Variants in FAM124B observed in about 807,000 individuals in gnomAD.
FAM124B encodes family with sequence similarity 124 member B.
In FAM124B, 18 loss-of-function variants were observed where a neutral mutation model predicts 19.7. The ratio of observed to expected loss-of-function variants is 0.92; its 90% CI spans 0.63 to 1.36. The LOEUF (loss-of-function observed/expected upper bound fraction) is 1.36, where lower values mean the gene tolerates loss of function less well. Ranked by LOEUF, FAM124B falls within the 40% of genes most tolerant of loss-of-function variation. The pLI is 0.00. For missense variants in FAM124B, 540 were observed against 553.3 expected (o/e 0.98, Z 0.24); for synonymous variants, 223 against 225.2 (o/e 0.99, Z 0.09).
Position 224,401,062 on chromosome 2 carries a change from T to C in FAM124B, c.707A>G (p.Tyr236Cys), listed in dbSNP as rs1690060986. 6.2e-7 allele frequency: 1 copy of C among 1,607,066 alleles called. No homozygotes were observed. Among genetic ancestry groups the C allele is most frequent in the Non-Finnish European group, 8.5e-7 (1 of 1,175,346 alleles). ...CTGAAGCAGAATCTTGTTGCCATCG[T>C]AGTCCTGAGTCTGCCACCTGGTGCT... ...ISSTRWQTQD[Y>C]DGNKILLQVQ... is the part of the protein sequence containing the mutation. Residue 236 changes from tyrosine to cysteine, a missense_variant, in exon 1 of 2, where the codon TAC becomes TGC. By Grantham distance (194) the Tyr-to-Cys change is radical (BLOSUM62 -2). Coordinates refer to ENST00000409685, the MANE Select transcript of FAM124B (RefSeq NM_001122779.2).
intron 1 of FAM124B, among the ~76,000 whole-genome samples, chr2:224,394,537 C>T (rs553799942): frequency 3.4e-4 from 52 of 152,310 alleles, no homozygotes; most frequent in Admixed American, 9.8e-4. Flanking sequence ...CTGAAGTGGT[C>T]AGTCAAGCCC....
chr2:224,389,118 G>T (rs1689842335), intron 1 of FAM124B, among the ~76,000 whole-genome samples: 2 of 152,120 alleles, frequency 1.3e-5, no homozygotes, highest in South Asian at 4.1e-4. Context: ...TTTTAGTAGA[G>T]ATGGGGTTTT....
chr2:224,384,188 C>T (rs940033572), intron 1 of FAM124B, among the ~76,000 whole-genome samples: 4 of 152,156 alleles, frequency 2.6e-5, no homozygotes, highest in Non-Finnish European at 1.5e-5. Context: ...GGGCCTTCTC[C>T]ACCTGCAAAT....
chr2:224,393,680 T>C (rs1273327563), intron 1 of FAM124B, among the ~76,000 whole-genome samples: 1 of 152,064 alleles, frequency 6.6e-6, no homozygotes, highest in Admixed American at 6.5e-5. Context: ...TAAAGAAGAC[T>C]TGGAGGAGAC....
At chr2:224,397,931 A>T (rs1410613333) in intron 1 of FAM124B, among the ~76,000 whole-genome samples, 2 of 152,222 alleles carry the variant, frequency 1.3e-5, no homozygotes. Flanking sequence ...TTTAAAAACA[A>T]GAGTTTTCTG....
intron 1 of FAM124B, among the ~76,000 whole-genome samples, chr2:224,391,340 TCA>T (rs1689884594): frequency 1.6e-5 from 2 of 125,730 alleles, no homozygotes; most frequent in African/African-American, 3.2e-5. Flanking sequence ...GACTCTTGTC[TCA>T]AAAAAAAAAA....
At position 224,379,271 on chromosome 2, in the gene FAM124B, A is replaced by G. The variant is rs1336079626; in HGVS notation, c.*302T>C. 4 of 304,598 alleles carry G rather than the reference A, an allele frequency of 1.3e-5. No homozygotes were observed. Among genetic ancestry groups the G allele is most frequent in the Admixed American group, 9.5e-5 (2 of 21,058 alleles). 18.9% of individuals were successfully genotyped at this position (304,598 alleles called of 1,614,324 possible). ...TACCGATTCATTTGCATACAATGCAATTATCCTGATAGGTGCTGGATTCAA... is the reference window on the plus strand; with the variant it reads ...TACCGATTCATTTGCATACAATGCAGTTATCCTGATAGGTGCTGGATTCAA... On this transcript the variant is annotated 3_prime_UTR_variant, in exon 2 of 2. Transcript: ENST00000409685.
chr2:224,388,536 GA>G (rs35211601), intron 1 of FAM124B, among the ~76,000 whole-genome samples: 20,918 of 152,172 alleles, frequency 0.14, 1,505 homozygotes, highest in East Asian at 0.24. Flanking sequence ...CATAGAGACA[GA>G]AAGTAGAATC....
chr2:224,399,674 C>CA (rs762783841), intron 1 of FAM124B: 1 of 152,052 alleles, frequency 6.6e-6, no homozygotes, highest in East Asian at 1.9e-4. Flanking sequence ...CTATCTTGGG[C>CA]AAATAACTGA....
chr2:224,381,370 C>T (rs1014062533), intron 1 of FAM124B, among the ~76,000 whole-genome samples: 5 of 152,084 alleles, frequency 3.3e-5, no homozygotes, highest in Non-Finnish European at 7.4e-5. Flanking sequence ...GAGGGAGGAT[C>T]CCTCGAGCCC....
chr2:224,387,938 T>G (rs77358766), intron 1 of FAM124B, among the ~76,000 whole-genome samples: 1 of 152,336 alleles, frequency 6.6e-6, no homozygotes, highest in African/African-American at 2.4e-5. Context: ...TAAATATCTG[T>G]TGATAAAACA....
chr2:224,380,219 GGAAAGGAGGAACATAT>G lies in FAM124B; in HGVS notation c.733-27_733-12del, dbSNP rs1356437798. 7.2e-6 allele frequency: 11 copies of G among 1,524,564 alleles called. No individual in the cohort carries two copies. The highest frequency in any genetic ancestry group is 9.7e-6 in the Non-Finnish European group (11 of 1,132,360). 94.4% of individuals were successfully genotyped at this position (1,524,564 alleles called of 1,614,324 possible). ...TGGATTCAGCTGAACCTACAGGAAAGGAAAGGAGGAACATATGAAACATAATTTCCATTAACTAAGT... is the reference window on the plus strand; with the variant it reads ...TGGATTCAGCTGAACCTACAGGAAAGGAAACATAATTTCCATTAACTAAGT... On this transcript the variant is annotated splice_polypyrimidine_tract_variant and intron_variant, in intron 1 of 1. Coordinates refer to ENST00000409685, the MANE Select transcript of FAM124B (RefSeq NM_001122779.2).
At chr2:224,392,831 G>C (rs1380401265) in intron 1 of FAM124B, among the ~76,000 whole-genome samples, 6 of 151,162 alleles carry the variant, frequency 4.0e-5, no homozygotes, top group Non-Finnish European at 5.9e-5. Context: ...AGTTACAGAA[G>C]CTTCAAGATG....
chr2:224,380,681 A>G (rs972234969), intron 1 of FAM124B, among the ~76,000 whole-genome samples: 1 of 152,254 alleles, frequency 6.6e-6, no homozygotes, highest in African/African-American at 2.4e-5. Flanking sequence ...CTTTTAGATC[A>G]TGCTAATAAA....
intron 1 of FAM124B, among the ~76,000 whole-genome samples, chr2:224,385,843 G>A (rs912150226): frequency 1.3e-5 from 2 of 152,038 alleles, no homozygotes; most frequent in Admixed American, 1.3e-4. Context: ...CTTATAGATC[G>A]CTGACATTCC....
intron 1 of FAM124B, among the ~76,000 whole-genome samples, chr2:224,396,687 G>A (rs543209702): frequency 1.1e-4 from 16 of 152,286 alleles, no homozygotes; most frequent in African/African-American, 3.1e-4. Context: ...CCTTTGCCTC[G>A]GGGCTAAACT....
In FAM124B at chr2:224,386,248, A is replaced by G. The variant is rs77594213; in HGVS notation, c.733-6040T>C. 2.6e-5 allele frequency among the ~76,000 whole-genome samples: 4 copies of G among 151,920 alleles called. No individual in the cohort carries two copies. The East Asian group carries it at 7.7e-4, about 29-fold the overall frequency. ...AATGGAACATGATTTTCCCTTTCCT[A>G]TGCCAGGGTTCATATATATTATTTC... On this transcript the variant is annotated intron_variant, in intron 1 of 1. Coordinates refer to ENST00000409685, the MANE Select transcript of FAM124B (RefSeq NM_001122779.2).
chr2:224,391,749 G>A (rs960377078), intron 1 of FAM124B, among the ~76,000 whole-genome samples: 4 of 152,126 alleles, frequency 2.6e-5, no homozygotes, highest in Admixed American at 6.5e-5. Flanking sequence ...CTTGCTTCCC[G>A]GGTGACTATA....
chr2:224,383,028 C>A (rs374886835), intron 1 of FAM124B, among the ~76,000 whole-genome samples: 10 of 152,102 alleles, frequency 6.6e-5, no homozygotes, highest in African/African-American at 1.7e-4. Context: ...TCTCTAGGGG[C>A]GACACTGTTG....
Sources: allele counts gnomAD v4.1 joint callset (sites outside exome capture counted in the v4.1 genomes callset), GRCh38; gene constraint gnomAD v4.1.1; transcripts MANE v1.5; gene names NCBI Gene and HGNC (gene_info 2026-07-23, HGNC 2026-07-21).